B3GLCT: variants seen among roughly 807,000 people sequenced by gnomAD.
B3GLCT encodes beta 3-glucosyltransferase.
B3GLCT carries 65 observed loss-of-function variants against 63.4 expected under a neutral mutation model. The observed-to-expected ratio is 1.03, with a 90% CI of 0.84 to 1.26. The LOEUF (loss-of-function observed/expected upper bound fraction) is 1.26. Among genes scored for constraint, B3GLCT ranks in the 50% most tolerant of loss-of-function variants. B3GLCT has a pLI of 0.00. For missense variants in B3GLCT, 577 were observed against 604.8 expected, an observed-to-expected ratio of 0.95 and a Z score of 0.48; for synonymous variants, 233 against 219.2, an observed-to-expected ratio of 1.06 and a Z score of -0.55.
intron 12 of B3GLCT, among the ~76,000 whole-genome samples, chr13:31,301,826 C>T (rs1414730901): frequency 6.6e-6 from 1 of 152,166 alleles, no homozygotes; most frequent in Non-Finnish European, 1.5e-5. Context: ...AGCCAGGGGT[C>T]CCTTTCCTCC....
At chr13:31,273,971 G>A (rs890699963) in intron 8 of B3GLCT, among the ~76,000 whole-genome samples, 1 of 152,172 alleles carries the variant, frequency 6.6e-6, no homozygotes, top group African/African-American at 2.4e-5. Context: ...CAGAAACTCA[G>A]CCTTGCCAGA....
chr13:31,277,028 G>GAA (rs1223829774), intron 10 of B3GLCT, among the ~76,000 whole-genome samples: 1 of 152,170 alleles, frequency 6.6e-6, no homozygotes, highest in Non-Finnish European at 1.5e-5. Context: ...ATTGGAAATG[G>GAA]AAAAGCTCAG....
intron 12 of B3GLCT, among the ~76,000 whole-genome samples, chr13:31,315,127 A>G (rs796824187): frequency 1.3e-5 from 2 of 152,312 alleles, no homozygotes; most frequent in African/African-American, 4.8e-5. Context: ...CAGCGTAAAA[A>G]TGGACTAATG....
intron 1 of B3GLCT, among the ~76,000 whole-genome samples, chr13:31,206,174 A>G (rs1043386670): frequency 6.6e-6 from 1 of 152,204 alleles, no homozygotes; most frequent in African/African-American, 2.4e-5. Flanking sequence ...AGCCCCATTC[A>G]GTTCCCTTGA....
At position 31,327,511 on chromosome 13, in the gene B3GLCT, A is replaced by G. The variant is rs368054715; in HGVS notation, c.1330-1990A>G. Among the ~76,000 whole-genome samples, 5 of 152,210 alleles carry G rather than the reference A, an allele frequency of 3.3e-5. No homozygotes were observed. The East Asian group carries it at 9.6e-4, about 29-fold the overall frequency. On this transcript the variant is annotated intron_variant, in intron 14 of 14. Coordinates refer to ENST00000343307, the MANE Select transcript of B3GLCT (RefSeq NM_194318.4). ...GTATTTCTGGAATTTTCCATTTAAT[A>G]TTTTCAGACTAAAATTGACTGTGGG...
At chr13:31,269,578 A>G (rs758939119) in intron 8 of B3GLCT, among the ~76,000 whole-genome samples, 4 of 152,064 alleles carry the variant, frequency 2.6e-5, no homozygotes, top group Non-Finnish European at 5.9e-5. Flanking sequence ...CATTAAAAGT[A>G]CCTCTGCTCT....
At chr13:31,254,270 G>A (rs1167433677) in intron 6 of B3GLCT, among the ~76,000 whole-genome samples, 4 of 152,144 alleles carry the variant, frequency 2.6e-5, no homozygotes, top group African/African-American at 9.7e-5. Flanking sequence ...ACATCAATGC[G>A]AAGATCCTCA....
At chr13:31,245,652 TTTC>T (rs1268010752) in intron 4 of B3GLCT, among the ~76,000 whole-genome samples, 2 of 152,230 alleles carry the variant, frequency 1.3e-5, no homozygotes, top group Non-Finnish European at 2.9e-5. Context: ...ATTTGCTATA[TTTC>T]TTTTCTTGTC....
At chr13:31,226,077 G>A (rs1033061931) in intron 3 of B3GLCT, among the ~76,000 whole-genome samples, 14 of 152,166 alleles carry the variant, frequency 9.2e-5, no homozygotes, top group African/African-American at 2.9e-4. Context: ...GCTACCCTCT[G>A]TGTGTGTGTC....
chr13:31,294,606 T>C (rs952722795), intron 12 of B3GLCT, among the ~76,000 whole-genome samples: 1 of 152,248 alleles, frequency 6.6e-6, no homozygotes, highest in African/African-American at 2.4e-5. Flanking sequence ...ATTAGGCTGT[T>C]GATACTTGTG....
intron 10 of B3GLCT, among the ~76,000 whole-genome samples, chr13:31,282,482 T>C (rs1873118415): frequency 6.6e-6 from 1 of 151,448 alleles, no homozygotes; most frequent in African/African-American, 2.4e-5. Context: ...TACTAAAAAA[T>C]ACAAAAAAAA....
intron 14 of B3GLCT, among the ~76,000 whole-genome samples, chr13:31,325,700 A>C (rs1412540301): frequency 6.6e-6 from 1 of 152,348 alleles, no homozygotes; most frequent in African/African-American, 2.4e-5. Context: ...CCAATTCTTA[A>C]GCCTCTTTTA....
chr13:31,298,107 ACT>A (rs1396091921), intron 12 of B3GLCT, among the ~76,000 whole-genome samples: 2 of 152,108 alleles, frequency 1.3e-5, no homozygotes, highest in Non-Finnish European at 2.9e-5. Flanking sequence ...GAAAGTCCCA[ACT>A]CTCTAATCAT....
chr13:31,223,710 T>G (rs1869945369), intron 3 of B3GLCT, among the ~76,000 whole-genome samples: 1 of 152,092 alleles, frequency 6.6e-6, no homozygotes, highest in East Asian at 1.9e-4. Flanking sequence ...AGGGTGTGAA[T>G]TTTGTCAATG....
chr13:31,223,614 G>T (rs1440477577), intron 3 of B3GLCT, among the ~76,000 whole-genome samples: 1 of 152,102 alleles, frequency 6.6e-6, no homozygotes, highest in African/African-American at 2.4e-5. Flanking sequence ...ATGTGACCAG[G>T]AGTTAGACTT....
rs1171392631 is a variant in B3GLCT, at chr13:31,330,039, C to T, written c.*371C>T. ...AATGGAAGTTTCAGTTGGGCATGAG[C>T]CTGGAGAGATGTGACTGTCTACAGT... On this transcript the variant is annotated 3_prime_UTR_variant, in exon 15 of 15. Transcript: ENST00000343307. The T allele has an allele frequency of 3.5e-6, 1 of 281,734 alleles. No individual in the cohort carries two copies. Among genetic ancestry groups the T allele is most frequent in the Non-Finnish European group, 6.9e-6 (1 of 145,600 alleles). 17.5% of individuals were successfully genotyped at this position (281,734 alleles called of 1,614,324 possible). A position where few individuals can be genotyped will look rare whatever the true frequency, so the allele number is the denominator to read the frequency against.
intron 12 of B3GLCT, among the ~76,000 whole-genome samples, chr13:31,308,499 T>G (rs1460098758): frequency 1.3e-5 from 2 of 152,172 alleles, no homozygotes; most frequent in East Asian, 3.9e-4. Context: ...TGGCTTTTAT[T>G]CAGTCCATCA....
intron 2 of B3GLCT, among the ~76,000 whole-genome samples, chr13:31,219,924 A>T (rs182219823): frequency 1.4e-3 from 207 of 152,314 alleles, no homozygotes; most frequent in Admixed American, 2.9e-3. Flanking sequence ...TGCCAATATT[A>T]TTGAGCATTT....
Position 31,207,276 on chromosome 13 carries a change from G to A in B3GLCT, c.70+7122G>A, listed in dbSNP as rs775662657. On this transcript the variant is annotated intron_variant, in intron 1 of 14. Coordinates refer to ENST00000343307, the MANE Select transcript of B3GLCT (RefSeq NM_194318.4). ...TACACTTGCAATTTAAAGGAATCGC[G>A]TAAACTGCTAATTTTTTTTTTTTGT... Among the ~76,000 whole-genome samples the A allele has an allele frequency of 3.4e-5, 5 of 146,768 alleles. No individual in the cohort carries two copies. The South Asian group carries it at 1.1e-3, about 33-fold the overall frequency.
Sources: gnomAD v4.1 joint callset for allele counts (sites outside exome capture counted in the v4.1 genomes callset) on GRCh38, gnomAD v4.1.1 for gene constraint, MANE v1.5 for transcripts, NCBI Gene and HGNC (gene_info 2026-07-23, HGNC 2026-07-21) for gene names.